DDX31: variants seen among roughly 807,000 people sequenced by gnomAD.
DDX31 encodes ATP-dependent DNA helicase DDX31.
A neutral mutation model predicts 91.3 loss-of-function variants in DDX31; 70 were observed. The ratio of observed to expected loss-of-function variants is 0.77; its 90% CI spans 0.63 to 0.94. The LOEUF is 0.94. Among genes scored for constraint, DDX31 ranks in the 40% least tolerant of loss-of-function variants. The probability of loss-of-function intolerance (pLI) is 0.00; values close to 1 mark genes in which losing one functional copy is unlikely to be tolerated. For synonymous variants in DDX31, 362 were observed against 350.6 expected (o/e 1.03, Z -0.36); for missense variants, 902 against 925.0 (o/e 0.98, Z 0.32).
intron 6 of DDX31, among the ~76,000 whole-genome samples, chr9:132,654,612 CAAACAAAACA>C (rs762810467): frequency 4.4e-4 from 67 of 151,802 alleles, no homozygotes; most frequent in African/African-American, 1.2e-3. Flanking sequence ...GACTTCATCT[CAAACAAAACA>C]AAACAAAACA....
intron 17 of DDX31, among the ~76,000 whole-genome samples, chr9:132,625,083 CG>C (rs149732806): frequency 0.017 from 2,550 of 152,188 alleles, 73 homozygotes; most frequent in African/African-American, 0.058. Context: ...ATGGTCTAGT[CG>C]GGTGCAGCCT....
intron 19 of DDX31, among the ~76,000 whole-genome samples, chr9:132,604,151 C>T (rs1043678278): frequency 6.6e-6 from 1 of 152,142 alleles, no homozygotes; most frequent in African/African-American, 2.4e-5. Context: ...GAGCATGTGC[C>T]CACACTGTGC....
intron 14 of DDX31, among the ~76,000 whole-genome samples, chr9:132,640,146 C>A (rs1465550616): frequency 1.3e-5 from 2 of 152,164 alleles, no homozygotes; most frequent in East Asian, 1.9e-4. Context: ...TGGGAAGGCA[C>A]GCAGACCAGG....
chr9:132,642,729 A>T (rs1353355952), intron 13 of DDX31, among the ~76,000 whole-genome samples: 1 of 152,118 alleles, frequency 6.6e-6, no homozygotes, highest in Non-Finnish European at 1.5e-5. Flanking sequence ...GCCAATAAGT[A>T]TCCAAAGACC....
Position 132,595,110 on chromosome 9 carries a change from G to C in DDX31, c.1997C>G (p.Pro666Arg). 3.1e-6 allele frequency: 5 copies of C among 1,612,678 alleles called. No individual in the cohort carries two copies. In the South Asian group the frequency reaches 5.5e-5, roughly 18 times the overall value. The change falls in exon 20 of 20, where the codon CCT becomes CGT. Residue 666 changes from proline (P) to arginine (R), a missense_variant and splice_region_variant. Pro to Arg is a moderately radical substitution (Grantham distance 103). Transcript: ENST00000372159. This position sits in a 1 kb window ranked among gnomAD's most constrained non-coding sequence, Gnocchi z 4.6. The stretch of plus-strand genomic sequence containing the variant: ...ACTCTGGGTCTTCTTATGAAGGTCA[G>C]GCCTGAAGAACAGTAACAGCAGAGA... ...RKKRKAHVKRPDLHKKTQSKH... is the reference protein window; with the variant it reads ...RKKRKAHVKRRDLHKKTQSKH...
At chr9:132,631,608 G>A (rs1364641941) in intron 15 of DDX31, among the ~76,000 whole-genome samples, 2 of 152,168 alleles carry the variant, frequency 1.3e-5, no homozygotes, top group Admixed American at 6.5e-5. Context: ...CTGGCAAAGC[G>A]TCTAAGGCTA....
At chr9:132,642,813 T>C (rs1833583387) in intron 13 of DDX31, among the ~76,000 whole-genome samples, 2 of 151,788 alleles carry the variant, frequency 1.3e-5, no homozygotes, top group Admixed American at 1.3e-4. Flanking sequence ...TGTTGTATTA[T>C]GGCAATTAAG....
intron 16 of DDX31, among the ~76,000 whole-genome samples, chr9:132,627,055 C>T (rs1197261667): frequency 6.6e-6 from 1 of 152,162 alleles, no homozygotes; most frequent in Non-Finnish European, 1.5e-5. Flanking sequence ...AAACAGAGCC[C>T]AGTCCCATCT....
chr9:132,666,093 G>A (rs377324159), intron 1 of DDX31, among the ~76,000 whole-genome samples: 3 of 152,194 alleles, frequency 2.0e-5, no homozygotes, highest in Admixed American at 6.5e-5. Context: ...TACATAGTGC[G>A]AGATAAGGTT....
Position 132,652,485 on chromosome 9 carries a change from T to G in DDX31, c.596A>C (p.Asp199Ala). ...CACGAGCACCAGGGCATAGGGGCCATCACTGCGCTGTTGACACACAGAAAA... is the reference window on the plus strand; with the variant it reads ...CACGAGCACCAGGGCATAGGGGCCAGCACTGCGCTGTTGACACACAGAAAA... ...QAMESKIQRSDGPYALVLVPT... is the reference protein window; with the variant it reads ...QAMESKIQRSAGPYALVLVPT... The change falls in exon 7 of 20, where the codon GAT (aspartate) becomes GCT (alanine). Residue 199 changes from aspartate to alanine, a missense_variant. Coordinates refer to ENST00000372159, the MANE Select transcript of DDX31 (RefSeq NM_022779.9). The G allele has an allele frequency of 6.2e-7, 1 of 1,614,084 alleles. No homozygotes were observed. The highest frequency in any genetic ancestry group is 8.5e-7 in the Non-Finnish European group (1 of 1,180,014).
rs765356112 is a variant in DDX31, at chr9:132,662,247, T to C, written c.408+14A>G. On this transcript the variant is annotated intron_variant, in intron 3 of 19. Coordinates refer to ENST00000372159, the MANE Select transcript of DDX31 (RefSeq NM_022779.9). ...CAAAAAAAACTGACCCAGAAAACACTGAAAGGTACTTACTAAATGTGGGTG... is the reference window on the plus strand; with the variant it reads ...CAAAAAAAACTGACCCAGAAAACACCGAAAGGTACTTACTAAATGTGGGTG... 1.2e-5 allele frequency: 20 copies of C among 1,613,816 alleles called. No individual in the cohort carries two copies. The African/African-American group carries it at 2.1e-4, about 17-fold the overall frequency.
intron 16 of DDX31, among the ~76,000 whole-genome samples, chr9:132,628,735 G>C (rs1020074180): frequency 3.3e-5 from 5 of 152,172 alleles, no homozygotes; most frequent in African/African-American, 9.7e-5. Flanking sequence ...AGAGAGCTGC[G>C]GCCAGGAAGG....
intron 14 of DDX31, among the ~76,000 whole-genome samples, chr9:132,635,213 C>A (rs746328550): frequency 1.1e-4 from 17 of 152,036 alleles, no homozygotes; most frequent in Non-Finnish European, 1.5e-4. Context: ...CTTTCTCCTT[C>A]GTAATGAGTA....
chr9:132,604,400 C>T (rs1227322676), intron 19 of DDX31, among the ~76,000 whole-genome samples: 2 of 152,188 alleles, frequency 1.3e-5, no homozygotes, highest in Non-Finnish European at 2.9e-5. Context: ...CCTCCCCTGA[C>T]AGAGGCCATG....
intron 18 of DDX31, among the ~76,000 whole-genome samples, chr9:132,613,709 T>A (rs578101220): frequency 6.6e-6 from 1 of 152,162 alleles, no homozygotes; most frequent in Non-Finnish European, 1.5e-5. Flanking sequence ...AAAACTAAAT[T>A]AAATTAAATT....
intron 19 of DDX31, among the ~76,000 whole-genome samples, chr9:132,609,730 T>C (rs1050807309): frequency 6.6e-6 from 1 of 152,116 alleles, no homozygotes; most frequent in African/African-American, 2.4e-5. Flanking sequence ...CAAGCGATTC[T>C]CCTGCCTCAG....
At chr9:132,669,150 G>A (rs530951877) in intron 1 of DDX31, among the ~76,000 whole-genome samples, 94 of 152,054 alleles carry the variant, frequency 6.2e-4, no homozygotes, top group Non-Finnish European at 1.0e-3. Context: ...TCAGATCTTT[G>A]AAAGGTGGTA....
intron 6 of DDX31, chr9:132,658,210 G>T: frequency 1.4e-6 from 1 of 691,070 alleles, no homozygotes; most frequent in Middle Eastern, 2.3e-4. Context: ...TTCACTGTAA[G>T]TCTTCACACA....
chr9:132,629,118 G>A (rs139489346), intron 16 of DDX31, among the ~76,000 whole-genome samples: 195 of 152,378 alleles, frequency 1.3e-3, no homozygotes, highest in African/African-American at 4.3e-3. Flanking sequence ...GAACTCAGCC[G>A]GAGAAGCAGC....
Sources: allele counts gnomAD v4.1 joint callset (sites outside exome capture counted in the v4.1 genomes callset), GRCh38; gene constraint gnomAD v4.1.1; non-coding constraint Gnocchi (gnomAD v3.1); transcripts MANE v1.5; gene names NCBI Gene and HGNC (gene_info 2026-07-23, HGNC 2026-07-21).